The following ANO4 variants were observed in gnomAD, a reference collection of about 807,000 sequenced individuals.
ANO4 encodes anoctamin 4.
ANO4 carries 69 observed loss-of-function variants against 141.9 expected under a neutral mutation model. The observed-to-expected ratio is 0.49, with a 90% CI of 0.40 to 0.59. The LOEUF is 0.59. Among genes scored for constraint, ANO4 ranks in the 20% least tolerant of loss-of-function variants. The probability of loss-of-function intolerance (pLI) is 0.00; values close to 1 mark genes in which losing one functional copy is unlikely to be tolerated. For missense variants in ANO4, 894 were observed against 1,162.2 expected (o/e 0.77, Z 3.36); for synonymous variants, 350 against 394.3 (o/e 0.89, Z 1.33).
intron 18 of ANO4, 102 bp downstream of exon 18, chr12:101,094,394 A>T: frequency 1.1e-6 from 1 of 915,154 alleles, no homozygotes; most frequent in Non-Finnish European, 1.6e-6. Context: ...TAGTCCCTTT[A>T]TTTTAAAATT....
chr12:100,883,557 C>G (rs1207793906), intron 1 of ANO4, among the ~76,000 whole-genome samples: 6 of 152,204 alleles, frequency 3.9e-5, no homozygotes, highest in African/African-American at 1.4e-4. Flanking sequence ...GCCTCTTGTA[C>G]GTGCATAAAA....
Position 101,110,886 on chromosome 12 carries a change from A to G in ANO4, c.2302+330A>G, listed in dbSNP as rs560937394. ...TAGATCTTCCATTTGCTTAACCTTG[A>G]TTTGTTCTTTCCTAAATGTTTGCCT... On this transcript the variant is annotated intron_variant, in intron 23 of 27. Transcript: ENST00000392977. Among the ~76,000 whole-genome samples, 26 of 151,510 alleles carry G rather than the reference A, an allele frequency of 1.7e-4. No individual in the cohort carries two copies. The East Asian group carries it at 3.1e-3, about 18-fold the overall frequency.
At chr12:100,882,998 G>A (rs1226616269) in intron 1 of ANO4, among the ~76,000 whole-genome samples, 3 of 152,196 alleles carry the variant, frequency 2.0e-5, no homozygotes, top group African/African-American at 7.2e-5. Context: ...ACCGCACCCA[G>A]CTGGAGCTCT....
intron 1 of ANO4, among the ~76,000 whole-genome samples, chr12:100,898,451 A>T (rs1248725413): frequency 6.6e-6 from 1 of 152,220 alleles, no homozygotes; most frequent in Non-Finnish European, 1.5e-5. Flanking sequence ...TAATTCCTAG[A>T]GGAAGAACAT....
intron 3 of ANO4, among the ~76,000 whole-genome samples, chr12:100,760,212 G>A (rs2032792196): frequency 6.6e-6 from 1 of 152,218 alleles, no homozygotes; most frequent in Non-Finnish European, 1.5e-5. Flanking sequence ...TGACGTTTAG[G>A]AGAGATTTTG....
At position 100,958,683 on chromosome 12, in the gene ANO4, C is replaced by CA. The variant is rs368995289; in HGVS notation, c.457-12617dup. On this transcript the variant is annotated intron_variant, in intron 5 of 27. Transcript: ENST00000392977. The stretch of plus-strand genomic sequence containing the variant: ...ACAACATGGTGAAACCTTGTCTCTA[C>CA]AAAAAATGCAAAAAATTAGCCAGGT... Among the ~76,000 whole-genome samples, 1,052 of 151,982 alleles carry CA rather than the reference C, an allele frequency of 6.9e-3. 16 individuals are homozygous for CA. The highest frequency in any genetic ancestry group is 0.024 in the African/African-American group (1,005 of 41,478).
chr12:100,766,793 A>G (rs1339479174), intron 3 of ANO4, among the ~76,000 whole-genome samples: 1 of 152,058 alleles, frequency 6.6e-6, no homozygotes, highest in Non-Finnish European at 1.5e-5. Context: ...TAAACTGTTT[A>G]TTATTAAAAA....
intron 2 of ANO4, 64 bp downstream of exon 2, chr12:100,901,904 T>C (rs2040611006): frequency 2.8e-6 from 4 of 1,406,332 alleles, no homozygotes; most frequent in Non-Finnish European, 3.9e-6. Context: ...GTCTGCATTA[T>C]ATTTTTATTG....
At chr12:100,890,742 C>T (rs2040064150) in intron 1 of ANO4, among the ~76,000 whole-genome samples, 4 of 152,172 alleles carry the variant, frequency 2.6e-5, no homozygotes, top group Admixed American at 2.0e-4. Context: ...TTATGACCTT[C>T]CCACACCAGA....
At chr12:100,983,091 G>A (rs2044555472) in intron 7 of ANO4, among the ~76,000 whole-genome samples, 1 of 152,202 alleles carries the variant, frequency 6.6e-6, no homozygotes, top group East Asian at 1.9e-4. Context: ...TGAAGTCTGA[G>A]TGTGGCAAAG....
At chr12:100,735,889 C>T (rs1221070567) in intron 2 of ANO4, among the ~76,000 whole-genome samples, 1 of 152,136 alleles carries the variant, frequency 6.6e-6, no homozygotes, top group Non-Finnish European at 1.5e-5. Context: ...GATATTGGCA[C>T]TATCTGCACA....
intron 8 of ANO4, among the ~76,000 whole-genome samples, chr12:101,000,259 T>C (rs2045580951): frequency 6.6e-6 from 1 of 152,202 alleles, no homozygotes. Context: ...TGACCTGAAC[T>C]GGAATTGCTT....
At chr12:100,785,638 A>T (rs2033850134) in intron 3 of ANO4, among the ~76,000 whole-genome samples, 1 of 152,118 alleles carries the variant, frequency 6.6e-6, no homozygotes, top group Non-Finnish European at 1.5e-5. Flanking sequence ...TTTATTTTTC[A>T]TTCCTCTACA....
chr12:100,794,081 A>G (rs2034159216), upstream of ANO4, among the ~76,000 whole-genome samples: 2 of 152,328 alleles, frequency 1.3e-5, no homozygotes, highest in Admixed American at 1.3e-4. Context: ...TTCTATACCT[A>G]TATTATACAA....
At chr12:100,978,091 C>G (rs997385124) in intron 7 of ANO4, among the ~76,000 whole-genome samples, 15 of 152,220 alleles carry the variant, frequency 9.9e-5, no homozygotes, top group Non-Finnish European at 2.1e-4. Context: ...CCTATGGCCC[C>G]ATCACCCTGT....
intron 11 of ANO4, among the ~76,000 whole-genome samples, chr12:101,040,360 C>T (rs942044675): frequency 3.3e-5 from 5 of 152,192 alleles, no homozygotes; most frequent in African/African-American, 1.2e-4. Context: ...TCGTAAGAAG[C>T]GAGTCACCCA....
chr12:100,764,219 G>A (rs967282146), intron 3 of ANO4, among the ~76,000 whole-genome samples: 1 of 152,128 alleles, frequency 6.6e-6, no homozygotes, highest in Non-Finnish European at 1.5e-5. Context: ...CTAATATACA[G>A]TGCAATATGG....
intron 8 of ANO4, among the ~76,000 whole-genome samples, chr12:100,991,111 G>GA (rs940565956): frequency 6.6e-6 from 1 of 152,156 alleles, no homozygotes; most frequent in Non-Finnish European, 1.5e-5. Context: ...AATAAGAGGT[G>GA]AAAAATTAAA....
intron 21 of ANO4, among the ~76,000 whole-genome samples, chr12:101,098,541 C>T (rs987012850): frequency 2.0e-5 from 3 of 152,180 alleles, no homozygotes; most frequent in Non-Finnish European, 4.4e-5. Flanking sequence ...ACCACTCAGC[C>T]AGAACGATTA....
Sources: gnomAD v4.1 joint callset for allele counts (sites outside exome capture counted in the v4.1 genomes callset) on GRCh38, gnomAD v4.1.1 for gene constraint, MANE v1.5 for transcripts, NCBI Gene and HGNC (gene_info 2026-07-23, HGNC 2026-07-21) for gene names.